Variants in DNAJC14 observed in about 807,000 individuals in gnomAD.
The protein encoded by DNAJC14 is dnaJ homolog subfamily C member 14.
In DNAJC14, 12 loss-of-function variants were observed where a neutral mutation model predicts 68.8. The ratio of observed to expected loss-of-function variants is 0.17; its 90% CI spans 0.11 to 0.28. DNAJC14 has a LOEUF of 0.28. Among genes scored for constraint, DNAJC14 ranks in the 10% least tolerant of loss-of-function variants. The pLI, the probability that DNAJC14 is intolerant of heterozygous loss-of-function variation, is 1.00. For synonymous variants in DNAJC14, 350 were observed against 321.5 expected, an observed-to-expected ratio of 1.09 and a Z score of -0.95; for missense variants, 764 against 875.6, an observed-to-expected ratio of 0.87 and a Z score of 1.61.
At chr12:55,828,765 A>G in intron 1 of DNAJC14, 51 bp from the exon 2 acceptor site, 1 of 1,435,972 alleles carries the variant, frequency 7.0e-7, no homozygotes, top group Admixed American at 2.8e-5. Flanking sequence ...CAAGAGAGGA[A>G]TTAAACAATC....
At chr12:55,825,417 TAGC>T (rs1252882440) in intron 2 of DNAJC14, among the ~76,000 whole-genome samples, 3 of 152,126 alleles carry the variant, frequency 2.0e-5, no homozygotes, top group Admixed American at 6.6e-5. Context: ...TGTACAGAAA[TAGC>T]AGTAACAATC....
At chr12:55,830,773 A>C (rs1376277930), upstream of DNAJC14, 1 of 152,940 alleles carries the variant, frequency 6.5e-6, no homozygotes, top group Non-Finnish European at 1.5e-5. Flanking sequence ...ACGGGAAAGA[A>C]TTGGAGGGGC....
rs1319260966 is a variant in DNAJC14, at chr12:55,821,554, A to G, written c.*423T>C. 6.5e-6 allele frequency: 1 copy of G among 154,562 alleles called. No individual in the cohort carries two copies. The highest frequency in any genetic ancestry group is 1.9e-4 in the East Asian group (1 of 5,254). The allele number at this position is 154,562 out of a possible 1,614,324, so 9.6% of individuals were successfully genotyped here. The stretch of plus-strand genomic sequence containing the variant: ...CCCCCTATTTCTTTGGTATTGTCAA[A>G]AGACAAGATTCAGGCCGGGCACAGT... On this transcript the variant is annotated 3_prime_UTR_variant, in exon 7 of 7. Transcript: ENST00000678005.
At chr12:55,828,841 CT>C (rs1247966123) in intron 1 of DNAJC14, 127 bp from the exon 2 acceptor site, 8 of 1,233,586 alleles carry the variant, frequency 6.5e-6, no homozygotes, top group Non-Finnish European at 7.5e-6. Context: ...GGGGCATTCG[CT>C]ATTCCTAGCA....
chr12:55,823,031 G>A (rs1389265102), intron 4 of DNAJC14, 39 bp downstream of exon 4: 1 of 1,610,100 alleles, frequency 6.2e-7, no homozygotes, highest in Non-Finnish European at 8.5e-7. Flanking sequence ...CATAATCCCT[G>A]AGCTGTGATT....
Position 55,828,418 on chromosome 12 carries a change from GA to G in DNAJC14, c.240del (p.Pro81GlnfsTer175). 6.2e-7 allele frequency: 1 copy of G among 1,614,066 alleles called. No homozygotes were observed. Among genetic ancestry groups the G allele is most frequent in the Non-Finnish European group, 8.5e-7 (1 of 1,179,970 alleles). The part of the protein sequence containing the change: ...WLDPSHGPPG[G>X]PGPPRDAEDP... ...TCCTCTGCATCTCTAGGTGGTCCTG[GA>G]CCCCCTGGGGGGCCATGGCTTGGGT... On this transcript the variant is annotated frameshift_variant, in exon 2 of 7. Transcript: ENST00000678005. LOFTEE classifies it high-confidence loss of function.
At chr12:55,824,021 TTATC>T (rs2136217583) in intron 2 of DNAJC14, among the ~76,000 whole-genome samples, 1 of 151,948 alleles carries the variant, frequency 6.6e-6, no homozygotes, top group African/African-American at 2.4e-5. Context: ...ATTGTTGGGA[TTATC>T]TATCATGTCA....
Position 55,827,750 on chromosome 12 carries a change from C to T in DNAJC14, c.909G>A (p.Gln303=). The T allele has an allele frequency of 6.2e-7, 1 of 1,614,086 alleles. No homozygotes were observed. Among genetic ancestry groups the T allele is most frequent in the Non-Finnish European group, 8.5e-7 (1 of 1,179,976 alleles). The change falls in exon 2 of 7, where the codon CAG becomes CAA. Residue 303 remains glutamine (Q), a synonymous_variant. Transcript: ENST00000678005. ...CCTGGCTTAGAAACTGAAACATGAC[C>T]TGGGCCCAGCCCCCTAACCGCCCTG... is the stretch of plus-strand genomic sequence containing the variant. The part of the protein sequence containing the change: ...VWTGRLGGWA[Q]VMFQFLSQGF...
intron 2 of DNAJC14, among the ~76,000 whole-genome samples, chr12:55,823,736 G>A (rs529535296): frequency 9.0e-5 from 12 of 133,316 alleles, no homozygotes; most frequent in South Asian, 7.0e-4. Context: ...ATGAAGTCTC[G>A]CTCTGTCACC....
chr12:55,825,768 TCTC>T (rs1334292721), intron 2 of DNAJC14, among the ~76,000 whole-genome samples: 1 of 151,868 alleles, frequency 6.6e-6, no homozygotes, highest in Non-Finnish European at 1.5e-5. Flanking sequence ...ATGGTCTCGA[TCTC>T]CTGACCTTGT....
chr12:55,827,783 T>C lies in DNAJC14; in HGVS notation c.876A>G (p.Gly292=), dbSNP rs1246092292. 1 of 1,613,858 alleles carries C rather than the reference T, an allele frequency of 6.2e-7. No individual in the cohort carries two copies. Among genetic ancestry groups the C allele is most frequent in the Non-Finnish European group, 8.5e-7 (1 of 1,179,882 alleles). The part of the protein sequence containing the change: ...SDLDLFRVWM[G]VWTGRLGGWA... Reference sequence around the variant, plus strand: ...AGCCCCCTAACCGCCCTGTCCACACTCCCATCCAAACTCGAAAAAGGTCCA... The same window carrying C: ...AGCCCCCTAACCGCCCTGTCCACACCCCCATCCAAACTCGAAAAAGGTCCA... Residue 292 remains glycine (G), a synonymous_variant, in exon 2 of 7, where the codon GGA becomes GGG. Coordinates refer to ENST00000678005, the MANE Select transcript of DNAJC14 (RefSeq NM_032364.6).
chr12:55,829,521 C>G lies in DNAJC14; in HGVS notation c.-89G>C. The G allele has an allele frequency of 1.0e-6, 1 of 985,374 alleles. No homozygotes were observed. 61.0% of individuals were successfully genotyped at this position (985,374 alleles called of 1,614,324 possible). ...CGGCGGTAACTCCTCCCCCTCGAGC[C>G]GCCCGGCCTGGGGCCAGGGTGAGCT... On this transcript the variant is annotated 5_prime_UTR_variant, in exon 1 of 7. Transcript: ENST00000678005.
upstream of DNAJC14, chr12:55,830,510 C>G (rs1880952172): frequency 6.6e-6 from 1 of 152,198 alleles, no homozygotes. Context: ...CTTCCCTGGT[C>G]CACGATCCCG....
chr12:55,829,038 G>C (rs1880887919), intron 1 of DNAJC14: 1 of 911,288 alleles, frequency 1.1e-6, no homozygotes, highest in Non-Finnish European at 1.3e-6. Flanking sequence ...GCCGGAAAGG[G>C]GGCCACAGAC....
Position 55,822,056 on chromosome 12 carries a change from G to C in DNAJC14, c.2030C>G (p.Ser677Cys). 1.2e-6 allele frequency: 2 copies of C among 1,614,170 alleles called. No homozygotes were observed. Among genetic ancestry groups the C allele is most frequent in the Non-Finnish European group, 8.5e-7 (1 of 1,180,026 alleles). ...PQPAPGAAAA[S>C]KPNSTVPKGE... The stretch of plus-strand genomic sequence containing the variant: ...CTTGGGTACTGTGCTGTTGGGCTTA[G>C]AGGCTGCAGCGGCTCCAGGGGCAGG... The change falls in exon 7 of 7, where the codon TCT (serine) becomes TGT (cysteine). Residue 677 changes from serine to cysteine, a missense_variant. Ser to Cys is a moderately radical substitution (Grantham distance 112). This residue lies in a region of DNAJC14 where 134 missense variants were observed against 162.3 expected (regional missense o/e 0.83). Coordinates refer to ENST00000678005, the MANE Select transcript of DNAJC14 (RefSeq NM_032364.6).
upstream of DNAJC14, chr12:55,830,420 C>G (rs1880949358): frequency 6.6e-6 from 1 of 152,318 alleles, no homozygotes; most frequent in Non-Finnish European, 1.5e-5. Flanking sequence ...GCACACGCCT[C>G]TAGCCTTATA....
At position 55,822,046 on chromosome 12, in the gene DNAJC14, G is replaced by A. The variant is rs994564021; in HGVS notation, c.2040C>T (p.Asn680=). 1.3e-5 allele frequency: 21 copies of A among 1,614,024 alleles called. No homozygotes were observed. Among genetic ancestry groups the A allele is most frequent in the Non-Finnish European group, 1.5e-5 (18 of 1,180,010 alleles). The change falls in exon 7 of 7, where the codon AAC becomes AAT. Residue 680 remains asparagine, a synonymous_variant. Coordinates refer to ENST00000678005, the MANE Select transcript of DNAJC14 (RefSeq NM_032364.6). ...APGAAAASKP[N]STVPKGEAKP... is the part of the protein sequence containing the mutation. ...TGGCTTCTCCCTTGGGTACTGTGCTGTTGGGCTTAGAGGCTGCAGCGGCTC... is the reference window on the plus strand; with the variant it reads ...TGGCTTCTCCCTTGGGTACTGTGCTATTGGGCTTAGAGGCTGCAGCGGCTC...
intron 6 of DNAJC14, 66 bp downstream of exon 6, chr12:55,822,307 C>T: frequency 6.4e-7 from 1 of 1,566,856 alleles, no homozygotes; most frequent in African/African-American, 1.4e-5. Flanking sequence ...TCCTAAAAAG[C>T]AGGTCATCTG....
chr12:55,823,013 C>T (rs1880709735), intron 4 of DNAJC14, 57 bp downstream of exon 4: 1 of 1,603,310 alleles, frequency 6.2e-7, no homozygotes, highest in Non-Finnish European at 8.5e-7. Context: ...TAGAAAGATC[C>T]TTGGTTACAT....
Sources: gnomAD v4.1 joint callset for allele counts (sites outside exome capture counted in the v4.1 genomes callset) on GRCh38, gnomAD v4.1.1 for gene constraint, gnomAD v4.1.1 regional missense constraint, MANE v1.5 for transcripts, NCBI Gene and HGNC (gene_info 2026-07-23, HGNC 2026-07-21) for gene names.